The following FYN variants were observed in gnomAD, a reference collection of about 807,000 sequenced individuals.
FYN encodes tyrosine-protein kinase Fyn.
A neutral mutation model predicts 70.2 loss-of-function variants in FYN; 10 were observed. The ratio of observed to expected loss-of-function variants is 0.14; its 90% CI spans 0.09 to 0.24. The LOEUF (loss-of-function observed/expected upper bound fraction) is 0.24. Among genes scored for constraint, FYN ranks in the 10% least tolerant of loss-of-function variants. The pLI, the probability that FYN is intolerant of heterozygous loss-of-function variation, is 1.00. For synonymous variants in FYN, 236 were observed against 248.6 expected, an observed-to-expected ratio of 0.95 and a Z score of 0.48; for missense variants, 319 against 673.1, an observed-to-expected ratio of 0.47 and a Z score of 5.82.
Position 111,869,409 on chromosome 6 carries a change from G to C in FYN, c.-123+3559C>G, listed in dbSNP as rs556705857. On this transcript the variant is annotated intron_variant, in intron 1 of 13. Transcript: ENST00000354650. Reference sequence around the variant, plus strand: ...GACTGTGATTTCTGTTTTTCTTTTTGAGATAGGGTCTCACTCTGGAGCCCA... The same window carrying C: ...GACTGTGATTTCTGTTTTTCTTTTTCAGATAGGGTCTCACTCTGGAGCCCA... 3.9e-5 allele frequency among the ~76,000 whole-genome samples: 6 copies of C among 152,272 alleles called. No homozygotes were observed. In the East Asian group the frequency reaches 1.2e-3, roughly 29 times the overall value.
At chr6:111,870,759 G>A (rs935833930) in intron 1 of FYN, among the ~76,000 whole-genome samples, 8 of 152,168 alleles carry the variant, frequency 5.3e-5, no homozygotes, top group African/African-American at 1.9e-4. Flanking sequence ...AAAGGACTTC[G>A]AGCAAGTCAG....
At chr6:111,803,581 T>C (rs1182991811) in intron 2 of FYN, among the ~76,000 whole-genome samples, 1 of 152,064 alleles carries the variant, frequency 6.6e-6, no homozygotes, top group African/African-American at 2.4e-5. Context: ...GTTAGTATCA[T>C]GGAAGGAAGT....
chr6:111,827,563 C>T (rs1772877844), intron 2 of FYN, among the ~76,000 whole-genome samples: 1 of 152,164 alleles, frequency 6.6e-6, no homozygotes, highest in South Asian at 2.1e-4. Context: ...TGAGCTGGTC[C>T]TGGAGAAAAG....
At chr6:111,792,948 G>A (rs9487718) in intron 2 of FYN, among the ~76,000 whole-genome samples, 22,642 of 152,122 alleles carry the variant, frequency 0.15, 2,452 homozygotes, top group African/African-American at 0.31. Context: ...CCACCTGGCC[G>A]CTGGTTACAA....
At chr6:111,691,757 G>T (rs1272377855) in intron 12 of FYN, among the ~76,000 whole-genome samples, 3 of 152,192 alleles carry the variant, frequency 2.0e-5, no homozygotes, top group Non-Finnish European at 2.9e-5. Flanking sequence ...AGGGGAAAAG[G>T]GATGTATGAC....
intron 3 of FYN, among the ~76,000 whole-genome samples, chr6:111,740,386 T>C (rs1801907364): frequency 6.6e-6 from 1 of 152,172 alleles, no homozygotes; most frequent in Middle Eastern, 3.2e-3. Flanking sequence ...CAGATTCCTA[T>C]GCAGCTGTTA....
chr6:111,703,050 A>G lies in FYN; in HGVS notation c.548-16T>C, dbSNP rs750297020. 19 of 1,611,760 alleles carry G rather than the reference A, an allele frequency of 1.2e-5. No homozygotes were observed. The highest frequency in any genetic ancestry group is 1.6e-5 in the Non-Finnish European group (19 of 1,178,916). ...GAATAGGCACCTGGTAAACGTGGAA[A>G]GCATTAGCAGCTCCAATCATTTAGA... On this transcript the variant is annotated splice_polypyrimidine_tract_variant and intron_variant, in intron 7 of 13. Transcript: ENST00000354650.
At chr6:111,673,057 C>T (rs987281493) in intron 13 of FYN, among the ~76,000 whole-genome samples, 3 of 152,212 alleles carry the variant, frequency 2.0e-5, no homozygotes, top group African/African-American at 7.2e-5. Context: ...GCATTTAACA[C>T]ACAGGGTGAC....
At chr6:111,684,265 T>C (rs966360059) in intron 12 of FYN, among the ~76,000 whole-genome samples, 1 of 151,930 alleles carries the variant, frequency 6.6e-6, no homozygotes, top group Non-Finnish European at 1.5e-5. Flanking sequence ...ATTGCAAAGA[T>C]AAGGTTGATT....
chr6:111,773,020 G>T (rs1424655442), intron 3 of FYN, among the ~76,000 whole-genome samples: 1 of 151,174 alleles, frequency 6.6e-6, no homozygotes, highest in African/African-American at 2.4e-5. Context: ...GGGACGGGTG[G>T]TGAAATATTT....
At chr6:111,779,904 A>G (rs151075036) in intron 3 of FYN, among the ~76,000 whole-genome samples, 97 of 152,344 alleles carry the variant, frequency 6.4e-4, no homozygotes, top group Non-Finnish European at 9.4e-4. Flanking sequence ...CAACAACCCT[A>G]TGATGTAGGT....
intron 3 of FYN, among the ~76,000 whole-genome samples, chr6:111,738,299 A>C (rs1305638145): frequency 1.3e-5 from 2 of 152,230 alleles, no homozygotes; most frequent in East Asian, 3.8e-4. Context: ...TGAGGGTTTA[A>C]GGTGAGGCTC....
intron 2 of FYN, among the ~76,000 whole-genome samples, chr6:111,832,774 T>C (rs181698681): frequency 3.3e-5 from 5 of 152,284 alleles, no homozygotes; most frequent in African/African-American, 4.8e-5. Flanking sequence ...ACTGTCACCA[T>C]CAAAGTTTCA....
chr6:111,861,566 C>G (rs1007109275), intron 1 of FYN, among the ~76,000 whole-genome samples: 1 of 152,206 alleles, frequency 6.6e-6, no homozygotes, highest in Admixed American at 6.5e-5. Flanking sequence ...CTCCCCTCCC[C>G]CTTTCAGCTG....
intron 9 of FYN, among the ~76,000 whole-genome samples, chr6:111,699,209 C>T (rs1472580141): frequency 2.6e-5 from 4 of 152,280 alleles, no homozygotes; most frequent in South Asian, 2.1e-4. Flanking sequence ...TTGAGCAAAA[C>T]GTCCATGGTC....
Position 111,694,733 on chromosome 6 carries a change from T to C in FYN, c.1043-29A>G, listed in dbSNP as rs533306619. The C allele has an allele frequency of 1.3e-6, 2 of 1,560,322 alleles. No individual in the cohort carries two copies. The highest frequency in any genetic ancestry group is 1.4e-5 in the African/African-American group (1 of 73,646). On this transcript the variant is annotated intron_variant, in intron 10 of 13. Transcript: ENST00000354650. The surrounding 1 kb of genome is among the most constrained non-coding windows in gnomAD (Gnocchi z 5.0). Reference sequence around the variant, plus strand: ...TGAACAAAACATAAAATCATTTCAATTTACTTTGAAAGATAATTCCCAACA... The same window carrying C: ...TGAACAAAACATAAAATCATTTCAACTTACTTTGAAAGATAATTCCCAACA...
At chr6:111,722,245 T>G (rs1423018561) in intron 3 of FYN, among the ~76,000 whole-genome samples, 2 of 152,194 alleles carry the variant, frequency 1.3e-5, no homozygotes, top group Non-Finnish European at 2.9e-5. Flanking sequence ...TGAGCTGAGC[T>G]CACCAAATCT....
intron 3 of FYN, among the ~76,000 whole-genome samples, chr6:111,750,276 G>A (rs1430668900): frequency 6.6e-6 from 1 of 152,124 alleles, no homozygotes; most frequent in Non-Finnish European, 1.5e-5. Flanking sequence ...ATCCTCCTTG[G>A]TACTGTCCTC....
intron 2 of FYN, among the ~76,000 whole-genome samples, chr6:111,838,382 T>C (rs1044580490): frequency 6.6e-6 from 1 of 152,168 alleles, no homozygotes; most frequent in Non-Finnish European, 1.5e-5. Flanking sequence ...AAATGCAGAA[T>C]ACCTTGATGT....
Sources: allele counts gnomAD v4.1 joint callset (sites outside exome capture counted in the v4.1 genomes callset), GRCh38; gene constraint gnomAD v4.1.1; non-coding constraint Gnocchi (gnomAD v3.1); transcripts MANE v1.5; gene names NCBI Gene and HGNC (gene_info 2026-07-23, HGNC 2026-07-21).